Variants in TMEM229B observed in about 807,000 individuals in gnomAD.
The protein encoded by TMEM229B is transmembrane protein 229B.
In TMEM229B, 6 loss-of-function variants were observed where a neutral mutation model predicts 13.7. The ratio of observed to expected loss-of-function variants is 0.44; its 90% CI spans 0.24 to 0.86. The LOEUF (loss-of-function observed/expected upper bound fraction) is 0.86. Among genes scored for constraint, TMEM229B ranks in the 40% least tolerant of loss-of-function variants. The probability of loss-of-function intolerance (pLI) is 0.23; values close to 1 mark genes in which losing one functional copy is unlikely to be tolerated. For missense variants in TMEM229B, 170 were observed against 236.0 expected, an observed-to-expected ratio of 0.72 and a Z score of 1.83; for synonymous variants, 107 against 102.1, an observed-to-expected ratio of 1.05 and a Z score of -0.29.
Position 67,473,971 on chromosome 14 carries a change from G to A in TMEM229B, c.-18-30C>T. On this transcript the variant is annotated intron_variant, in intron 2 of 2. Transcript: ENST00000554480. This position sits in a 1 kb window ranked among gnomAD's most constrained non-coding sequence, Gnocchi z 6.5. ...GGGGGGCGCAAGAGAGACAGGTGAGGGCCGGGCGCGGTGGCTCACGCCTAT... is the reference window on the plus strand; with the variant it reads ...GGGGGGCGCAAGAGAGACAGGTGAGAGCCGGGCGCGGTGGCTCACGCCTAT... 1 of 1,540,248 alleles carries A rather than the reference G, an allele frequency of 6.5e-7. No homozygotes were observed. Among genetic ancestry groups the A allele is most frequent in the Non-Finnish European group, 8.7e-7 (1 of 1,145,116 alleles).
chr14:67,480,364 C>A (rs2031509209), intron 2 of TMEM229B, among the ~76,000 whole-genome samples: 1 of 152,104 alleles, frequency 6.6e-6, no homozygotes, highest in South Asian at 2.1e-4. Context: ...AACAAAACTC[C>A]CACAGACATC....
At chr14:67,533,085 G>A (rs1238008451) in intron 1 of TMEM229B, among the ~76,000 whole-genome samples, 1 of 152,156 alleles carries the variant, frequency 6.6e-6, no homozygotes, top group Non-Finnish European at 1.5e-5. Flanking sequence ...GTGCCTCTCC[G>A]CGAGCTGCCT....
intron 2 of TMEM229B, among the ~76,000 whole-genome samples, chr14:67,484,631 A>C (rs1044125063): frequency 3.3e-5 from 5 of 152,130 alleles, no homozygotes; most frequent in African/African-American, 1.2e-4. Flanking sequence ...ATCATAGAAG[A>C]AGCATTCATA....
At chr14:67,524,143 AT>A (rs2033332418) in intron 1 of TMEM229B, among the ~76,000 whole-genome samples, 1 of 152,022 alleles carries the variant, frequency 6.6e-6, no homozygotes, top group African/African-American at 2.4e-5. Flanking sequence ...TTTGATATTT[AT>A]TTTTTTAATA....
chr14:67,525,797 G>T (rs184834926), intron 1 of TMEM229B, among the ~76,000 whole-genome samples: 1 of 152,312 alleles, frequency 6.6e-6, no homozygotes, highest in East Asian at 1.9e-4. Context: ...AAAGAACCAT[G>T]ATCTTCTCAG....
chr14:67,473,773 A>T lies in TMEM229B; in HGVS notation c.151T>A (p.Phe51Ile). 6.2e-7 allele frequency: 1 copy of T among 1,613,956 alleles called. No homozygotes were observed. The highest frequency in any genetic ancestry group is 8.5e-7 in the Non-Finnish European group (1 of 1,179,962). Residue 51 changes from phenylalanine (F) to isoleucine (I), a missense_variant, in exon 3 of 3, where the codon TTC becomes ATC. Around this residue, in one of 4 missense-constraint regions of TMEM229B, gnomAD observed 36 missense variants for 83.8 expected, o/e 0.43. Transcript: ENST00000554480. This position sits in a 1 kb window ranked among gnomAD's most constrained non-coding sequence, Gnocchi z 6.5. ...FPGVTSVWAL[F>I]IYGTSILIVE... ...ATGAGGATGGAGGTGCCGTAGATGA[A>T]GAGGGCCCACACGCTCGTGACCCCA...
rs1224901721 is a variant in TMEM229B at position 67,471,360 on chromosome 14, C to T, written c.*2060G>A. 6.6e-6 allele frequency: 1 copy of T among 152,270 alleles called. No individual in the cohort carries two copies. Among genetic ancestry groups the T allele is most frequent in the African/African-American group, 2.4e-5 (1 of 41,514 alleles). The allele number at this position is 152,270 out of a possible 1,614,324, so 9.4% of individuals were successfully genotyped here. Reference sequence around the variant, plus strand: ...GTGGGTAGTGTGGTCTAGGGGCCCACATGGAAGGCCTGAAGGGGTGCTGGG... The same window carrying T: ...GTGGGTAGTGTGGTCTAGGGGCCCATATGGAAGGCCTGAAGGGGTGCTGGG... On this transcript the variant is annotated 3_prime_UTR_variant, in exon 3 of 3. Transcript: ENST00000554480.
intron 1 of TMEM229B, among the ~76,000 whole-genome samples, chr14:67,500,176 A>T (rs2032547344): frequency 6.6e-6 from 1 of 152,092 alleles, no homozygotes; most frequent in Admixed American, 6.6e-5. Flanking sequence ...AAAATAAATA[A>T]ATAAATAGAA....
chr14:67,492,652 C>T (rs186043292), upstream of TMEM229B, among the ~76,000 whole-genome samples: 49 of 152,328 alleles, frequency 3.2e-4, no homozygotes, highest in South Asian at 8.3e-4. Flanking sequence ...AAGCCTGGAC[C>T]GCTCTTATGG....
chr14:67,489,307 C>A (rs1351386310), upstream of TMEM229B, among the ~76,000 whole-genome samples: 1 of 152,212 alleles, frequency 6.6e-6, no homozygotes, highest in Admixed American at 6.5e-5. Flanking sequence ...TGTCCCCATA[C>A]AATGTGCCTT....
chr14:67,502,823 A>G (rs1352307909), intron 1 of TMEM229B, among the ~76,000 whole-genome samples: 1 of 152,152 alleles, frequency 6.6e-6, no homozygotes, highest in African/African-American at 2.4e-5. Flanking sequence ...CCAGCAGCCA[A>G]CCAACCAACT....
At chr14:67,490,675 T>C (rs2032133285), upstream of TMEM229B, among the ~76,000 whole-genome samples, 1 of 152,136 alleles carries the variant, frequency 6.6e-6, no homozygotes, top group African/African-American at 2.4e-5. Context: ...GACCAGAACC[T>C]AAAAATCAGA....
chr14:67,494,676 C>T (rs563502481), intron 1 of TMEM229B, among the ~76,000 whole-genome samples: 6 of 152,340 alleles, frequency 3.9e-5, no homozygotes, highest in South Asian at 2.1e-4. Flanking sequence ...TGTCCACAGC[C>T]GGTGATGGCT....
rs1371374296 is a variant in TMEM229B at position 67,473,155 on chromosome 14, C to G, written c.*265G>C. The G allele has an allele frequency of 2.0e-6, 1 of 496,800 alleles. No homozygotes were observed. The highest frequency in any genetic ancestry group is 3.7e-6 in the Non-Finnish European group (1 of 273,804). The allele number at this position is 496,800 out of a possible 1,614,324, so 30.8% of individuals were successfully genotyped here. ...TAGTCCATCGCTGCTCAGCCACAGGCCTCCTGGTACCAACCCCTGAACTGG... is the reference window on the plus strand; with the variant it reads ...TAGTCCATCGCTGCTCAGCCACAGGGCTCCTGGTACCAACCCCTGAACTGG... On this transcript the variant is annotated 3_prime_UTR_variant, in exon 3 of 3. Coordinates refer to ENST00000554480, the MANE Select transcript of TMEM229B (RefSeq NM_001348543.2). The surrounding 1 kb of genome is among the most constrained non-coding windows in gnomAD (Gnocchi z 6.5).
At chr14:67,492,967 T>C (rs902362087), upstream of TMEM229B, among the ~76,000 whole-genome samples, 1 of 151,912 alleles carries the variant, frequency 6.6e-6, no homozygotes, top group African/African-American at 2.4e-5. Context: ...GAAGGCCAGG[T>C]GGGGGAAATA....
chr14:67,479,105 T>C (rs765881874), intron 2 of TMEM229B, among the ~76,000 whole-genome samples: 12 of 152,220 alleles, frequency 7.9e-5, no homozygotes, highest in Non-Finnish European at 1.2e-4. Flanking sequence ...AACTAAAATT[T>C]CATCTTAAAA....
Position 67,533,116 on chromosome 14 carries a change from C to G in TMEM229B, c.-192+520G>C, listed in dbSNP as rs529259803. ...TGCCTGGAGAGCTGAGCCCAGCGCT[C>G]TGCCTTTAAGGAGCGGGCGGGGAGC... On this transcript the variant is annotated intron_variant, in intron 1 of 2. Transcript: ENST00000554278. Among the ~76,000 whole-genome samples, 3 of 152,314 alleles carry G rather than the reference C, an allele frequency of 2.0e-5. 1 individual carries two copies. The South Asian group carries it at 6.2e-4, about 32-fold the overall frequency.
rs996169563 is a variant in TMEM229B at position 67,494,280 on chromosome 14, A to G, written c.-191-7108T>C. Among the ~76,000 whole-genome samples the G allele has an allele frequency of 2.0e-5, 3 of 152,344 alleles. No individual in the cohort carries two copies. In the South Asian group the frequency reaches 6.2e-4, roughly 32 times the overall value. On this transcript the variant is annotated intron_variant, in intron 1 of 2. Transcript: ENST00000357461. ...AAAATAATTAACATTCCTTTTGACA[A>G]AGGATAAGAGGACCCATTACATTCA... is the stretch of plus-strand genomic sequence containing the variant.
chr14:67,480,145 A>C (rs2031494164), intron 2 of TMEM229B, among the ~76,000 whole-genome samples: 1 of 152,160 alleles, frequency 6.6e-6, no homozygotes, highest in Non-Finnish European at 1.5e-5. Context: ...GGCAGCTGTC[A>C]TTTCTGGCAC....
Sources: allele counts gnomAD v4.1 joint callset (sites outside exome capture counted in the v4.1 genomes callset), GRCh38; gene constraint gnomAD v4.1.1; regional missense constraint gnomAD v4.1.1; non-coding constraint Gnocchi (gnomAD v3.1); transcripts MANE v1.5; gene names NCBI Gene and HGNC (gene_info 2026-07-23, HGNC 2026-07-21).